FAM111B: variants seen among roughly 807,000 people sequenced by gnomAD.
FAM111B encodes the protein serine protease FAM111B.
In FAM111B, 1 loss-of-function variant was observed where a neutral mutation model predicts 2.8. The ratio of observed to expected loss-of-function variants is 0.36; its 90% CI spans 0.13 to 1.70. The LOEUF is 1.70. FAM111B is among the 40% of genes most tolerant of loss of function. The pLI, the probability that FAM111B is intolerant of heterozygous loss-of-function variation, is 0.35. For missense variants in FAM111B, 882 were observed against 878.9 expected, an observed-to-expected ratio of 1.00 and a Z score of -0.04; for synonymous variants, 297 against 295.6, an observed-to-expected ratio of 1.00 and a Z score of -0.05.
At chr11:59,109,297 G>A (rs1461358417) in intron 2 of FAM111B, among the ~76,000 whole-genome samples, 1 of 152,138 alleles carries the variant, frequency 6.6e-6, no homozygotes, top group Non-Finnish European at 1.5e-5. Flanking sequence ...TGTCATACAA[G>A]CTCCAGTCAT....
intron 3 of FAM111B, among the ~76,000 whole-genome samples, chr11:59,110,245 C>CTCTA (rs1859738063): frequency 6.6e-6 from 1 of 152,134 alleles, no homozygotes; most frequent in African/African-American, 2.4e-5. Context: ...AAAATTGAGA[C>CTCTA]ATAAACAAGT....
chr11:59,108,372 C>A (rs552226385), intron 1 of FAM111B, among the ~76,000 whole-genome samples: 166 of 152,274 alleles, frequency 1.1e-3, no homozygotes, highest in Non-Finnish European at 1.8e-3. Flanking sequence ...TTAGGGGAAC[C>A]CTCTTCATAT....
chr11:59,125,904 C>G lies in FAM111B; in HGVS notation c.1807C>G (p.Pro603Ala), dbSNP rs201488964. The change falls in exon 4 of 4, where the codon CCA (proline) becomes GCA (alanine). Residue 603 changes from proline (P) to alanine (A), a missense_variant. Coordinates refer to ENST00000343597, the MANE Select transcript of FAM111B (RefSeq NM_198947.4). The part of the protein sequence containing the change: ...IPLNERLKKY[P>A]NDCQDGLVDL... ...TCTAAACGAACGATTGAAAAAATAT[C>G]CAAACGATTGTCAAGATGGGTTGGT... is the stretch of plus-strand genomic sequence containing the variant. The G allele has an allele frequency of 7.6e-5, 123 of 1,613,676 alleles. No individual in the cohort carries two copies. Among genetic ancestry groups the G allele is most frequent in the Admixed American group, 3.7e-4 (22 of 59,968 alleles).
intron 3 of FAM111B, among the ~76,000 whole-genome samples, chr11:59,122,328 CTT>C (rs572465401): frequency 4.7e-4 from 72 of 152,154 alleles, no homozygotes; most frequent in African/African-American, 1.6e-3. Flanking sequence ...CAAATTCAGA[CTT>C]AGTGGTTGTC....
chr11:59,111,031 G>A (rs1859750163), intron 3 of FAM111B, among the ~76,000 whole-genome samples: 1 of 152,158 alleles, frequency 6.6e-6, no homozygotes, highest in Admixed American at 6.5e-5. Flanking sequence ...TAATTCAGTG[G>A]TATACAGTTT....
At chr11:59,108,337 TC>T (rs1859698978) in intron 1 of FAM111B, among the ~76,000 whole-genome samples, 1 of 152,226 alleles carries the variant, frequency 6.6e-6, no homozygotes, top group Non-Finnish European at 1.5e-5. Context: ...CAGCTGCTGC[TC>T]TGATCAGTAC....
intron 3 of FAM111B, among the ~76,000 whole-genome samples, chr11:59,120,973 T>G (rs571873955): frequency 6.7e-6 from 1 of 148,950 alleles, no homozygotes. Context: ...GTTATCCACA[T>G]GCAAAAAATA....
chr11:59,119,168 T>A lies in FAM111B; in HGVS notation c.82-5011T>A, dbSNP rs550060452. On this transcript the variant is annotated intron_variant, in intron 3 of 3. Coordinates refer to ENST00000343597, the MANE Select transcript of FAM111B (RefSeq NM_198947.4). Reference sequence around the variant, plus strand: ...GACTTAGGTGATTTCCTCACATGCATGTGCGGATCACTAGTCATCTGAAGA... The same window carrying A: ...GACTTAGGTGATTTCCTCACATGCAAGTGCGGATCACTAGTCATCTGAAGA... 3.9e-5 allele frequency among the ~76,000 whole-genome samples: 6 copies of A among 152,324 alleles called. No homozygotes were observed. The South Asian group carries it at 1.2e-3, about 32-fold the overall frequency.
Position 59,124,220 on chromosome 11 carries a change from T to C in FAM111B, c.123T>C (p.Asp41=). The C allele has an allele frequency of 6.2e-7, 1 of 1,613,696 alleles. No homozygotes were observed. Among genetic ancestry groups the C allele is most frequent in the Non-Finnish European group, 8.5e-7 (1 of 1,179,714 alleles). Residue 41 remains aspartate, a synonymous_variant, in exon 4 of 4, where the codon GAT becomes GAC. Coordinates refer to ENST00000343597, the MANE Select transcript of FAM111B (RefSeq NM_198947.4). ...MKQTHADTPV[D]HCLSGIRKCS... ...AGACACATGCTGACACACCTGTTGA[T>C]CATTGTCTATCTGGCATAAGAAAGT...
rs1294320318 is a variant in FAM111B at position 59,125,678 on chromosome 11, C to T, written c.1581C>T (p.Asp527=). 1.2e-6 allele frequency: 2 copies of T among 1,613,900 alleles called. No individual in the cohort carries two copies. The highest frequency in any genetic ancestry group is 1.7e-6 in the Non-Finnish European group (2 of 1,179,822). ...ATACAGAGTTCTGCCCTACTCCTGACAATTGGTTTTCCATTGAGCCATGGC... is the reference window on the plus strand; with the variant it reads ...ATACAGAGTTCTGCCCTACTCCTGATAATTGGTTTTCCATTGAGCCATGGC... ...FTYTEFCPTP[D]NWFSIEPWLK... is the part of the protein sequence containing the mutation. Residue 527 remains aspartate, a synonymous_variant, in exon 4 of 4, where the codon GAC becomes GAT. Coordinates refer to ENST00000343597, the MANE Select transcript of FAM111B (RefSeq NM_198947.4).
At position 59,125,306 on chromosome 11, in the gene FAM111B, G is replaced by T; in HGVS notation, c.1209G>T (p.Pro403=). ...TLNEAIMHQY[P]NFKEEAQWVR... Reference sequence around the variant, plus strand: ...ATGAAGCCATAATGCATCAGTATCCGAATTTTAAAGAGGAGGCACAGTGGG... The same window carrying T: ...ATGAAGCCATAATGCATCAGTATCCTAATTTTAAAGAGGAGGCACAGTGGG... The change falls in exon 4 of 4, where the codon CCG becomes CCT. Residue 403 remains proline, a synonymous_variant. Transcript: ENST00000343597. 6.2e-7 allele frequency: 1 copy of T among 1,613,932 alleles called. No homozygotes were observed. Among genetic ancestry groups the T allele is most frequent in the Non-Finnish European group, 8.5e-7 (1 of 1,179,870 alleles).
chr11:59,111,363 G>A (rs990988571), intron 3 of FAM111B, among the ~76,000 whole-genome samples: 5 of 152,110 alleles, frequency 3.3e-5, no homozygotes, highest in African/African-American at 1.2e-4. Flanking sequence ...GAAAATAGCT[G>A]CAGTATCTTT....
At chr11:59,122,483 A>T (rs1859939116) in intron 3 of FAM111B, among the ~76,000 whole-genome samples, 1 of 152,206 alleles carries the variant, frequency 6.6e-6, no homozygotes. Flanking sequence ...ATGTTTTTGC[A>T]TGCATAATAT....
intron 3 of FAM111B, among the ~76,000 whole-genome samples, chr11:59,121,920 G>A (rs1859928906): frequency 6.6e-6 from 1 of 152,152 alleles, no homozygotes; most frequent in Non-Finnish European, 1.5e-5. Flanking sequence ...CGAGGCAGGT[G>A]GATCATGAGG....
At chr11:59,122,231 C>T (rs545864219) in intron 3 of FAM111B, among the ~76,000 whole-genome samples, 28 of 152,240 alleles carry the variant, frequency 1.8e-4, no homozygotes, top group African/African-American at 6.7e-4. Context: ...AAAATCAAAA[C>T]CAGCAAAATG....
At chr11:59,123,980 G>GA (rs533825570) in intron 3 of FAM111B, among the ~76,000 whole-genome samples, 199 bp from the exon 4 acceptor site, 2 of 151,442 alleles carry the variant, frequency 1.3e-5, no homozygotes, top group East Asian at 1.9e-4. Context: ...AGTATACAGA[G>GA]AAAAAAAATT....
In FAM111B at chr11:59,126,080, G is replaced by T; in HGVS notation, c.1983G>T (p.Leu661Phe). 1 of 1,613,728 alleles carries T rather than the reference G, an allele frequency of 6.2e-7. No individual in the cohort carries two copies. Among genetic ancestry groups the T allele is most frequent in the Non-Finnish European group, 8.5e-7 (1 of 1,179,796 alleles). The change falls in exon 4 of 4, where the codon TTG becomes TTT. Residue 661 changes from leucine to phenylalanine, a missense_variant. Transcript: ENST00000343597. The part of the protein sequence containing the change: ...GSPVFNASGK[L>F]VALHTFGLFY... ...CAGTGTTTAATGCATCTGGCAAATT[G>T]GTTGCTTTGCATACCTTTGGGCTTT...
chr11:59,107,267 T>G lies in FAM111B; in HGVS notation c.-161T>G, dbSNP rs868013229. 1 of 152,472 alleles carries G rather than the reference T, an allele frequency of 6.6e-6. No individual in the cohort carries two copies. The highest frequency in any genetic ancestry group is 1.5e-5 in the Non-Finnish European group (1 of 68,282). 9.4% of individuals were successfully genotyped at this position (152,472 alleles called of 1,614,324 possible). A position where few individuals can be genotyped will look rare whatever the true frequency, so the allele number is the denominator to read the frequency against. On this transcript the variant is annotated 5_prime_UTR_variant, in exon 1 of 4. Transcript: ENST00000343597. Reference sequence around the variant, plus strand: ...CAGAGCGGCGGGCACTGACGGGCACTTGCACCGTGTGGACAGACTCTCCGG... The same window carrying G: ...CAGAGCGGCGGGCACTGACGGGCACGTGCACCGTGTGGACAGACTCTCCGG...
chr11:59,124,845 T>A lies in FAM111B; in HGVS notation c.748T>A (p.Tyr250Asn). 15 of 1,613,744 alleles carry A rather than the reference T, an allele frequency of 9.3e-6. No homozygotes were observed. Among genetic ancestry groups the A allele is most frequent in the Non-Finnish European group, 1.3e-5 (15 of 1,179,840 alleles). The change falls in exon 4 of 4, where the codon TAT (tyrosine) becomes AAT (asparagine). Residue 250 changes from tyrosine (Y) to asparagine (N), a missense_variant. Coordinates refer to ENST00000343597, the MANE Select transcript of FAM111B (RefSeq NM_198947.4). ...WKLKEGHKKI[Y>N]GKQSMVDEVS... is the part of the protein sequence containing the mutation. ...ACTAAAGGAAGGTCATAAGAAAATT[T>A]ATGGAAAACAGTCCATGGTGGATGA...
Sources: gnomAD v4.1 joint callset for allele counts (sites outside exome capture counted in the v4.1 genomes callset) on GRCh38, gnomAD v4.1.1 for gene constraint, MANE v1.5 for transcripts, NCBI Gene and HGNC (gene_info 2026-07-23, HGNC 2026-07-21) for gene names.